Variants in CNBD1 observed in about 807,000 individuals in gnomAD.
The protein encoded by CNBD1 is cyclic nucleotide-binding domain-containing protein 1.
In CNBD1, 71 loss-of-function variants were observed where a neutral mutation model predicts 54.4. The observed-to-expected ratio is 1.30, with a 90% CI of 1.08 to 1.59. CNBD1 has a LOEUF of 1.59. Among genes scored for constraint, CNBD1 ranks in the 40% most tolerant of loss-of-function variants. CNBD1 has a pLI of 0.00. For synonymous variants in CNBD1, 182 were observed against 170.7 expected (o/e 1.07, Z -0.51); for missense variants, 659 against 518.0 (o/e 1.27, Z -2.64).
At chr8:86,872,753 T>C (rs1396239546) in intron 1 of CNBD1, among the ~76,000 whole-genome samples, 2 of 152,210 alleles carry the variant, frequency 1.3e-5, no homozygotes, top group African/African-American at 4.8e-5. Context: ...CCTTTGCCCA[T>C]TTTTCAAGTT....
intron 4 of CNBD1, among the ~76,000 whole-genome samples, chr8:87,167,249 A>G (rs549339515): frequency 1.3e-5 from 2 of 152,112 alleles, no homozygotes; most frequent in East Asian, 3.9e-4. Context: ...TGACACGTGT[A>G]TAATCTGCAG....
At chr8:86,969,814 AC>A (rs1808179569) in intron 4 of CNBD1, among the ~76,000 whole-genome samples, 1 of 151,220 alleles carries the variant, frequency 6.6e-6, no homozygotes, top group Non-Finnish European at 1.5e-5. Context: ...ACACACACAC[AC>A]ACACACATAT....
intron 5 of CNBD1, among the ~76,000 whole-genome samples, chr8:87,214,942 C>T (rs1814177693): frequency 6.6e-6 from 1 of 152,080 alleles, no homozygotes; most frequent in East Asian, 1.9e-4. Flanking sequence ...TGGGTGAGGA[C>T]ACAGTTAAAC....
chr8:86,893,962 ATCTCT>A, intron 2 of CNBD1, among the ~76,000 whole-genome samples: 1 of 150,060 alleles, frequency 6.7e-6, no homozygotes, highest in South Asian at 2.1e-4. Flanking sequence ...ACATTCTCAA[ATCTCT>A]TCTCATCTTA....
rs1813384875 is a variant in CNBD1, at chr8:87,182,727, T to G, written c.432-23266T>G. On this transcript the variant is annotated intron_variant, in intron 4 of 10. Transcript: ENST00000518476. This position sits in a 1 kb window ranked among gnomAD's most constrained non-coding sequence, Gnocchi z 4.1. ...GTGTCTGTTCATGTCTTCTGCCCAT[T>G]TTTAAATGGGGTTGTTTGCTTTTGC... is the stretch of plus-strand genomic sequence containing the variant. Among the ~76,000 whole-genome samples the G allele has an allele frequency of 6.6e-6, 1 of 152,204 alleles. No individual in the cohort carries two copies. The highest frequency in any genetic ancestry group is 1.5e-5 in the Non-Finnish European group (1 of 68,030).
intron 1 of CNBD1, among the ~76,000 whole-genome samples, chr8:86,887,257 T>C (rs1808693665): frequency 6.6e-6 from 1 of 152,146 alleles, no homozygotes; most frequent in African/African-American, 2.4e-5. Flanking sequence ...ATGGCTTGCT[T>C]TAAGAGAAGT....
At chr8:87,311,539 C>A (rs1809265534) in intron 8 of CNBD1, among the ~76,000 whole-genome samples, 1 of 151,804 alleles carries the variant, frequency 6.6e-6, no homozygotes, top group Non-Finnish European at 1.5e-5. Flanking sequence ...AAGCAGTGTG[C>A]AGAATTTTCA....
At chr8:87,202,265 T>C (rs1055243645) in intron 4 of CNBD1, among the ~76,000 whole-genome samples, 1 of 152,122 alleles carries the variant, frequency 6.6e-6, no homozygotes, top group Non-Finnish European at 1.5e-5. Flanking sequence ...ATAATAGCAA[T>C]ATTAATCCAA....
intron 4 of CNBD1, among the ~76,000 whole-genome samples, chr8:87,008,173 C>A (rs148433019): frequency 6.6e-6 from 1 of 152,124 alleles, no homozygotes; most frequent in Admixed American, 6.5e-5. Context: ...TTTCCAGTGC[C>A]AATTCAGGGC....
At chr8:87,179,801 A>C (rs1268150807) in intron 4 of CNBD1, among the ~76,000 whole-genome samples, 1 of 152,228 alleles carries the variant, frequency 6.6e-6, no homozygotes, top group African/African-American at 2.4e-5. Context: ...GTAAAATTTC[A>C]TGATGCAAAA....
chr8:86,996,030 G>A (rs983146593), intron 4 of CNBD1, among the ~76,000 whole-genome samples: 3 of 152,040 alleles, frequency 2.0e-5, no homozygotes, highest in Non-Finnish European at 1.5e-5. Context: ...AATTTTATTT[G>A]CTCTCATTTT....
intron 8 of CNBD1, among the ~76,000 whole-genome samples, chr8:87,349,174 T>C (rs1810232376): frequency 6.6e-6 from 1 of 152,154 alleles, no homozygotes; most frequent in Non-Finnish European, 1.5e-5. Context: ...CGTATGTTAT[T>C]TGTCATTTTC....
chr8:87,214,838 T>A (rs192887919), intron 5 of CNBD1, among the ~76,000 whole-genome samples: 54 of 152,198 alleles, frequency 3.5e-4, no homozygotes, highest in African/African-American at 1.3e-3. Flanking sequence ...ATGAGAACAG[T>A]ATGGGGGAAA....
At chr8:87,247,601 G>C (rs1181926807) in intron 6 of CNBD1, among the ~76,000 whole-genome samples, 1 of 148,302 alleles carries the variant, frequency 6.7e-6, no homozygotes, top group Admixed American at 6.7e-5. Context: ...CTGCGTCACT[G>C]AAATATGCTG....
intron 6 of CNBD1, among the ~76,000 whole-genome samples, chr8:87,281,105 T>A (rs1808590209): frequency 6.6e-6 from 1 of 151,618 alleles, no homozygotes; most frequent in Non-Finnish European, 1.5e-5. Context: ...ACCTGCAGTT[T>A]TCGGATATAA....
At position 87,101,885 on chromosome 8, in the gene CNBD1, T is replaced by G. The variant is rs571775551; in HGVS notation, c.432-104108T>G. Among the ~76,000 whole-genome samples, 3 of 151,642 alleles carry G rather than the reference T, an allele frequency of 2.0e-5. No individual in the cohort carries two copies. In the East Asian group the frequency reaches 5.8e-4, roughly 29 times the overall value. ...TGGAGGTGAAGTGGGATCAGTAGATTTAATTTTTTTTTTTTTTTTTTGAGA... is the reference window on the plus strand; with the variant it reads ...TGGAGGTGAAGTGGGATCAGTAGATGTAATTTTTTTTTTTTTTTTTTGAGA... On this transcript the variant is annotated intron_variant, in intron 4 of 10. Coordinates refer to ENST00000518476, the MANE Select transcript of CNBD1 (RefSeq NM_173538.3).
chr8:86,975,255 A>G (rs1213057960), intron 4 of CNBD1, among the ~76,000 whole-genome samples: 1 of 151,996 alleles, frequency 6.6e-6, no homozygotes, highest in Non-Finnish European at 1.5e-5. Flanking sequence ...TAGAACATTT[A>G]AAACCACTCT....
chr8:87,247,269 G>T (rs1018970733), intron 6 of CNBD1, among the ~76,000 whole-genome samples: 2 of 152,152 alleles, frequency 1.3e-5, no homozygotes, highest in African/African-American at 2.4e-5. Flanking sequence ...CAAATGAGTT[G>T]CAGATCCATT....
intron 4 of CNBD1, among the ~76,000 whole-genome samples, chr8:87,107,049 T>C (rs1351114560): frequency 6.6e-6 from 1 of 151,956 alleles, no homozygotes; most frequent in Non-Finnish European, 1.5e-5. Flanking sequence ...AGGTTGATCT[T>C]GAACTCCTGA....
Sources: allele counts gnomAD v4.1 joint callset (sites outside exome capture counted in the v4.1 genomes callset), GRCh38; gene constraint gnomAD v4.1.1; non-coding constraint Gnocchi (gnomAD v3.1); transcripts MANE v1.5; gene names NCBI Gene and HGNC (gene_info 2026-07-23, HGNC 2026-07-21).